ANKRD33B: variants seen among roughly 807,000 people sequenced by gnomAD.
ANKRD33B encodes the protein ankyrin repeat domain 33B, also known as ankyrin repeat domain-containing protein 33B.
A neutral mutation model predicts 21.5 loss-of-function variants in ANKRD33B; 6 were observed. That is an observed-to-expected ratio of 0.28 (90% CI 0.15 to 0.55). ANKRD33B has a LOEUF of 0.55. Ranked by LOEUF, ANKRD33B falls within the 20% of genes least tolerant of loss-of-function variation. The probability of loss-of-function intolerance (pLI) is 0.94; values close to 1 mark genes in which losing one functional copy is unlikely to be tolerated. For synonymous variants in ANKRD33B, 347 were observed against 342.4 expected, an observed-to-expected ratio of 1.01 and a Z score of -0.15; for missense variants, 698 against 747.2, an observed-to-expected ratio of 0.93 and a Z score of 0.77.
Position 10,650,120 on chromosome 5 carries a change from G to A in ANKRD33B, c.*7G>A, listed in dbSNP as rs1489814090. 3 of 1,492,590 alleles carry A rather than the reference G, an allele frequency of 2.0e-6. No homozygotes were observed. Among genetic ancestry groups the A allele is most frequent in the Non-Finnish European group, 2.7e-6 (3 of 1,125,436 alleles). The allele number at this position is 1,492,590 out of a possible 1,614,324, so 92.5% of individuals were successfully genotyped here. On this transcript the variant is annotated 3_prime_UTR_variant, in exon 4 of 4. Transcript: ENST00000296657. ...CTGGAAGAAGAGGACGTGAGGGCCC[G>A]TGTGCCTGGCGCTGGGGCCGGGGCT... is the stretch of plus-strand genomic sequence containing the variant.
In ANKRD33B at chr5:10,623,689, G is replaced by T. The variant is rs528553875; in HGVS notation, c.496+5227G>T. ...GCTCTCTTGGGAGCTGGCCCACCCAGGGGTAGCCGTGCTGCCAGACAGAGC... is the reference window on the plus strand; with the variant it reads ...GCTCTCTTGGGAGCTGGCCCACCCATGGGTAGCCGTGCTGCCAGACAGAGC... On this transcript the variant is annotated intron_variant, in intron 2 of 3. Coordinates refer to ENST00000296657, the MANE Select transcript of ANKRD33B (RefSeq NM_001164440.2). Among the ~76,000 whole-genome samples the T allele has an allele frequency of 2.0e-5, 3 of 152,356 alleles. No individual in the cohort carries two copies. The East Asian group carries it at 5.8e-4, about 29-fold the overall frequency.
At chr5:10,617,558 G>A (rs6871080) in intron 1 of ANKRD33B, among the ~76,000 whole-genome samples, 138,435 of 152,266 alleles carry the variant, frequency 0.91, 63,038 homozygotes, top group Admixed American at 0.95. Context: ...TGGCCCCACA[G>A]TGGTCTCCCA....
At chr5:10,590,719 C>T (rs1330408377) in intron 1 of ANKRD33B, among the ~76,000 whole-genome samples, 2 of 152,116 alleles carry the variant, frequency 1.3e-5, no homozygotes, top group Admixed American at 1.3e-4. Context: ...GATTGGATAC[C>T]CCTCCCTGCA....
At chr5:10,614,543 TTA>T (rs1006948822) in intron 1 of ANKRD33B, among the ~76,000 whole-genome samples, 5 of 152,266 alleles carry the variant, frequency 3.3e-5, no homozygotes, top group African/African-American at 9.6e-5. Context: ...AGTGCTGGAA[TTA>T]TAGACATGAG....
At chr5:10,640,008 G>GC (rs1560985498) in intron 3 of ANKRD33B, among the ~76,000 whole-genome samples, 1,001 of 79,970 alleles carry the variant, frequency 0.013, 56 homozygotes, top group Non-Finnish European at 0.022. Flanking sequence ...AGCGGGTGAC[G>GC]TGGAGTTGCG....
intron 1 of ANKRD33B, among the ~76,000 whole-genome samples, chr5:10,608,218 C>T (rs1041935601): frequency 5.6e-5 from 8 of 143,174 alleles, no homozygotes; most frequent in African/African-American, 1.8e-4. Context: ...AAAAAATGGG[C>T]GTGGTGGTGC....
At chr5:10,618,854 G>A (rs77981980) in intron 2 of ANKRD33B, among the ~76,000 whole-genome samples, 1 of 152,122 alleles carries the variant, frequency 6.6e-6, no homozygotes, top group Non-Finnish European at 1.5e-5. Context: ...AAGTAGACAC[G>A]TGTAGAAGGT....
intron 2 of ANKRD33B, among the ~76,000 whole-genome samples, chr5:10,632,272 G>A (rs1297998591): frequency 1.3e-5 from 2 of 152,152 alleles, no homozygotes; most frequent in East Asian, 3.9e-4. Flanking sequence ...GAGTCATCCA[G>A]GAGAGGGGTT....
intron 3 of ANKRD33B, among the ~76,000 whole-genome samples, chr5:10,647,623 A>G (rs992602535): frequency 1.3e-5 from 2 of 152,216 alleles, no homozygotes; most frequent in Non-Finnish European, 2.9e-5. Flanking sequence ...AAGGGGACCT[A>G]TCAGTCAACC....
Position 10,655,876 on chromosome 5 carries a change from G to T in ANKRD33B, c.*5763G>T. 6.6e-6 allele frequency: 1 copy of T among 152,496 alleles called. No homozygotes were observed. 9.4% of individuals were successfully genotyped at this position (152,496 alleles called of 1,614,324 possible). ...GTTTCTACCCCAGCCGCTTTCAGCC[G>T]GCACCTGCATGGGACTGCCTGGAGG... On this transcript the variant is annotated 3_prime_UTR_variant, in exon 4 of 4. Transcript: ENST00000296657.
At chr5:10,623,744 T>C (rs951291190) in intron 2 of ANKRD33B, among the ~76,000 whole-genome samples, 1 of 152,138 alleles carries the variant, frequency 6.6e-6, no homozygotes, top group African/African-American at 2.4e-5. Context: ...CAGGATCGGG[T>C]GGCCGGGGTA....
intron 1 of ANKRD33B, among the ~76,000 whole-genome samples, chr5:10,586,519 GTGTGTGTGTGTGTGTA>G (rs1414329748): frequency 3.5e-5 from 5 of 144,734 alleles, no homozygotes; most frequent in African/African-American, 1.0e-4. Context: ...GTGTGTGTGT[GTGTGTGTGTGTGTGTA>G]TACTGCTTTC....
rs1306561295 is a variant in ANKRD33B at position 10,657,254 on chromosome 5, C to A, written c.*7141C>A. ...ACCCCATTCAGATGAACATTAAAAG[C>A]CAATGTACTGGAATTCTCTTTGTTC... On this transcript the variant is annotated 3_prime_UTR_variant, in exon 4 of 4. Coordinates refer to ENST00000296657, the MANE Select transcript of ANKRD33B (RefSeq NM_001164440.2). 6.6e-6 allele frequency: 1 copy of A among 152,364 alleles called. No individual in the cohort carries two copies. Among genetic ancestry groups the A allele is most frequent in the Non-Finnish European group, 1.5e-5 (1 of 68,038 alleles). The allele number at this position is 152,364 out of a possible 1,614,324, so 9.4% of individuals were successfully genotyped here.
chr5:10,571,208 T>A (rs1393656786), intron 1 of ANKRD33B, among the ~76,000 whole-genome samples: 1 of 152,106 alleles, frequency 6.6e-6, no homozygotes, highest in Non-Finnish European at 1.5e-5. Flanking sequence ...TTTGTTTATT[T>A]ATTTATTTTT....
Position 10,564,445 on chromosome 5 carries a change from C to T in ANKRD33B, c.-23C>T. On this transcript the variant is annotated 5_prime_UTR_variant, in exon 1 of 4. Transcript: ENST00000296657. ...CTCTTCCTGCCCGCGCCCCGGCCCC[C>T]GGCCCGCGCCCCGGCCGCCGGCATG... 1.8e-6 allele frequency: 2 copies of T among 1,096,986 alleles called. No homozygotes were observed. The highest frequency in any genetic ancestry group is 2.2e-6 in the Non-Finnish European group (2 of 903,122). The allele number at this position is 1,096,986 out of a possible 1,614,324, so 68.0% of individuals were successfully genotyped here.
chr5:10,580,176 G>A (rs938712207), intron 1 of ANKRD33B, among the ~76,000 whole-genome samples: 2 of 152,216 alleles, frequency 1.3e-5, no homozygotes, highest in Non-Finnish European at 2.9e-5. Context: ...ACATATGTGG[G>A]TTCTACCTGC....
chr5:10,606,433 A>C (rs1480876478), intron 1 of ANKRD33B, among the ~76,000 whole-genome samples: 2 of 152,144 alleles, frequency 1.3e-5, no homozygotes, highest in African/African-American at 4.8e-5. Context: ...GCAGAAAAGC[A>C]TAGATAAAAA....
At chr5:10,610,454 T>G in intron 1 of ANKRD33B, among the ~76,000 whole-genome samples, 1 of 147,206 alleles carries the variant, frequency 6.8e-6, no homozygotes. Flanking sequence ...AGTGCCCTGG[T>G]CGAAAAACTG....
In ANKRD33B at chr5:10,643,930, A is replaced by G. The variant is rs984203686; in HGVS notation, c.638-5336A>G. ...AACTTACGGAATATTTTCATCTTCT[A>G]CTATTACTACTAAGCTTACAGTTCT... On this transcript the variant is annotated intron_variant, in intron 3 of 3. Coordinates refer to ENST00000296657, the MANE Select transcript of ANKRD33B (RefSeq NM_001164440.2). 5.9e-5 allele frequency among the ~76,000 whole-genome samples: 9 copies of G among 151,484 alleles called. No individual in the cohort carries two copies. In the South Asian group the frequency reaches 1.7e-3, roughly 28 times the overall value.
Sources: allele counts gnomAD v4.1 joint callset (sites outside exome capture counted in the v4.1 genomes callset), GRCh38; gene constraint gnomAD v4.1.1; transcripts MANE v1.5; gene names NCBI Gene and HGNC (gene_info 2026-07-23, HGNC 2026-07-21).